Variants in DCAKD observed in about 807,000 individuals in gnomAD.
DCAKD encodes the protein dephospho-CoA kinase domain-containing protein.
DCAKD carries 15 observed loss-of-function variants against 18.7 expected under a neutral mutation model. The ratio of observed to expected loss-of-function variants is 0.80; its 90% CI spans 0.54 to 1.24. DCAKD has a LOEUF of 1.24. Among genes scored for constraint, DCAKD ranks in the 50% most tolerant of loss-of-function variants. The pLI, the probability that DCAKD is intolerant of heterozygous loss-of-function variation, is 0.00. For missense variants in DCAKD, 301 were observed against 322.0 expected (o/e 0.93, Z 0.50); for synonymous variants, 130 against 133.0 (o/e 0.98, Z 0.16).
At chr17:45,039,710 G>A (rs537908375) in intron 1 of DCAKD, among the ~76,000 whole-genome samples, 3 of 152,354 alleles carry the variant, frequency 2.0e-5, no homozygotes, top group East Asian at 1.9e-4. Context: ...AGTGAGAGGG[G>A]CTGGAGTTTC....
intron 3 of DCAKD, 25 bp from the exon 4 acceptor site, chr17:45,030,204 A>G: frequency 2.5e-6 from 4 of 1,605,232 alleles, no homozygotes; most frequent in Non-Finnish European, 3.4e-6. Flanking sequence ...GAAATCCCCC[A>G]AGTTCAATTC....
intron 1 of DCAKD, among the ~76,000 whole-genome samples, chr17:45,042,901 G>A (rs889811796): frequency 1.3e-5 from 2 of 152,218 alleles, no homozygotes; most frequent in South Asian, 2.1e-4. Flanking sequence ...AGGGCAGGGA[G>A]GGGACAGGTC....
exon 1 of DCAKD, chr17:45,060,918 CA>C: frequency 1.6e-6 from 1 of 641,472 alleles, no homozygotes; most frequent in Non-Finnish European, 2.0e-6. Flanking sequence ...TAACGGCAGC[CA>C]ATAACGGCTC....
intron 1 of DCAKD, among the ~76,000 whole-genome samples, chr17:45,039,886 A>C (rs1331350748): frequency 6.6e-6 from 1 of 152,244 alleles, no homozygotes; most frequent in Non-Finnish European, 1.5e-5. Flanking sequence ...TGAGGCCAGG[A>C]GTTCGAGACC....
In DCAKD at chr17:45,047,688, A is replaced by G. The variant is rs552364552; in HGVS notation, c.-115+3673T>C. ...CCCAGCTAATTTTTGTATCTTTAGT[A>G]CAGACGGGGTTTCGGCATGTTGGTC... On this transcript the variant is annotated intron_variant, in intron 1 of 4. Transcript: ENST00000651974. 5.9e-5 allele frequency among the ~76,000 whole-genome samples: 9 copies of G among 152,080 alleles called. No individual in the cohort carries two copies. The East Asian group carries it at 1.7e-3, about 29-fold the overall frequency.
At chr17:45,040,126 G>GC (rs778267650) in intron 1 of DCAKD, among the ~76,000 whole-genome samples, 40 of 150,386 alleles carry the variant, frequency 2.7e-4, no homozygotes, top group Non-Finnish European at 5.3e-4. Flanking sequence ...GGTGGCTCAT[G>GC]CCTGTAATCC....
intron 3 of DCAKD, among the ~76,000 whole-genome samples, chr17:45,030,643 A>G (rs1011775712): frequency 6.6e-6 from 1 of 152,222 alleles, no homozygotes; most frequent in East Asian, 1.9e-4. Flanking sequence ...ACAAACAAAC[A>G]AACAAAACAC....
intron 1 of DCAKD, among the ~76,000 whole-genome samples, chr17:45,039,665 C>T (rs2053382866): frequency 6.6e-6 from 1 of 152,208 alleles, no homozygotes; most frequent in African/African-American, 2.4e-5. Context: ...CCCCGGGTGC[C>T]TTCCCTCCTC....
At chr17:45,055,679 T>TC (rs2053771912), upstream of DCAKD, among the ~76,000 whole-genome samples, 1 of 152,038 alleles carries the variant, frequency 6.6e-6, no homozygotes, top group Non-Finnish European at 1.5e-5. Flanking sequence ...AGCCACCATG[T>TC]CCCCCCAGGA....
chr17:45,049,713 C>CTTTTTTTT (rs57106886), intron 1 of DCAKD, among the ~76,000 whole-genome samples: 21 of 111,874 alleles, frequency 1.9e-4, no homozygotes, highest in East Asian at 2.6e-4. Context: ...TTTTCTTTTC[C>CTTTTTTTT]TTTTTTTTTT....
chr17:45,056,567 G>A (rs561797743), upstream of DCAKD, among the ~76,000 whole-genome samples: 4 of 151,734 alleles, frequency 2.6e-5, no homozygotes, highest in Non-Finnish European at 4.4e-5. Context: ...TCCACTTCCC[G>A]GGTTCAAGCA....
rs146165883 is a variant in DCAKD, at chr17:45,024,674, C to T, written c.455G>A (p.Arg152His). 4.5e-5 allele frequency: 72 copies of T among 1,605,490 alleles called. No individual in the cohort carries two copies. The African/African-American group carries it at 4.5e-4, about 10-fold the overall frequency. Residue 152 changes from arginine (R) to histidine (H), a missense_variant, in exon 5 of 5, where the codon CGC becomes CAC. By Grantham distance (29) the Arg-to-His change is conservative. Transcript: ENST00000651974. ...ATTGATGCGGGCCTCTGCGTCCTTG[C>T]GGTTCAGGCTGTTCCGCCGCATCAG... is the stretch of plus-strand genomic sequence containing the variant. ...ARLMRRNSLN[R>H]KDAEARINAQ...
At chr17:45,026,245 T>TTTTG (rs2053054334) in intron 4 of DCAKD, among the ~76,000 whole-genome samples, 1 of 144,670 alleles carries the variant, frequency 6.9e-6, no homozygotes, top group Non-Finnish European at 1.5e-5. Context: ...TTTCTTTTTT[T>TTTTG]GAGATGGAGT....
At chr17:45,037,364 A>G (rs1473698730) in intron 1 of DCAKD, among the ~76,000 whole-genome samples, 1 of 152,206 alleles carries the variant, frequency 6.6e-6, no homozygotes, top group Non-Finnish European at 1.5e-5. Context: ...CTAGGTCACA[A>G]AAAGGACAGG....
chr17:45,058,218 G>C (rs936923753), intron 1 of DCAKD, among the ~76,000 whole-genome samples: 5 of 152,020 alleles, frequency 3.3e-5, no homozygotes, highest in African/African-American at 1.2e-4. Flanking sequence ...GGGAGGCTGA[G>C]GTGGCAGGAT....
intron 3 of DCAKD, among the ~76,000 whole-genome samples, chr17:45,032,807 C>A (rs1444360421): frequency 6.6e-6 from 1 of 150,848 alleles, no homozygotes; most frequent in Non-Finnish European, 1.5e-5. Context: ...CTCCCCTATA[C>A]CCTCGTGGAA....
At chr17:45,046,351 C>A (rs1474011710) in intron 1 of DCAKD, among the ~76,000 whole-genome samples, 2 of 152,064 alleles carry the variant, frequency 1.3e-5, no homozygotes, top group Non-Finnish European at 2.9e-5. Flanking sequence ...CGGCGGCTCA[C>A]GCCTGCCTGT....
At chr17:45,054,537 C>T (rs749069774), upstream of DCAKD, among the ~76,000 whole-genome samples, 1 of 152,110 alleles carries the variant, frequency 6.6e-6, no homozygotes, top group Non-Finnish European at 1.5e-5. Flanking sequence ...TGTGAGCCAC[C>T]ACACCTGGCT....
intron 2 of DCAKD, 38 bp from the exon 3 acceptor site, chr17:45,034,428 C>G (rs770257411): frequency 4.7e-5 from 75 of 1,609,594 alleles, no homozygotes; most frequent in Non-Finnish European, 6.3e-5. Context: ...CTCCCTGAAG[C>G]CTCAGGGCCA....
Sources: gnomAD v4.1 joint callset for allele counts (sites outside exome capture counted in the v4.1 genomes callset) on GRCh38, gnomAD v4.1.1 for gene constraint, MANE v1.5 for transcripts, NCBI Gene and HGNC (gene_info 2026-07-23, HGNC 2026-07-21) for gene names.